The following PTPRK variants were observed in gnomAD, a reference collection of about 807,000 sequenced individuals.
PTPRK encodes receptor-type tyrosine-protein phosphatase kappa.
In PTPRK, 75 loss-of-function variants were observed where a neutral mutation model predicts 178.0. That is an observed-to-expected ratio of 0.42 (90% CI 0.35 to 0.51). The LOEUF (loss-of-function observed/expected upper bound fraction) is 0.51, where lower values mean the gene tolerates loss of function less well. Among genes scored for constraint, PTPRK ranks in the 20% least tolerant of loss-of-function variants. The pLI is 0.02. For synonymous variants in PTPRK, 637 were observed against 620.6 expected (o/e 1.03, Z -0.39); for missense variants, 1,441 against 1,797.8 (o/e 0.80, Z 3.59).
chr6:128,463,975 G>A (rs926564212), intron 1 of PTPRK, among the ~76,000 whole-genome samples: 4 of 151,282 alleles, frequency 2.6e-5, no homozygotes, highest in East Asian at 1.9e-4. Context: ...AGGCGGTCTC[G>A]AACTCCCGAC....
intron 1 of PTPRK, among the ~76,000 whole-genome samples, chr6:128,498,381 G>A (rs1855040072): frequency 6.6e-6 from 1 of 152,114 alleles, no homozygotes; most frequent in Non-Finnish European, 1.5e-5. Context: ...CCACTTAAAC[G>A]AACCAGCTCC....
chr6:128,320,350 A>G (rs1025601464), intron 3 of PTPRK, among the ~76,000 whole-genome samples: 3 of 152,128 alleles, frequency 2.0e-5, no homozygotes, highest in Non-Finnish European at 1.5e-5. Flanking sequence ...AAATAACTAC[A>G]TGTATGTTAT....
intron 13 of PTPRK, among the ~76,000 whole-genome samples, chr6:128,052,413 T>C (rs538445978): frequency 6.6e-5 from 10 of 152,342 alleles, no homozygotes; most frequent in African/African-American, 2.2e-4. Context: ...TTAGTTGCTA[T>C]ATCTCTTTGG....
At chr6:128,294,742 C>T (rs1479151912) in intron 3 of PTPRK, among the ~76,000 whole-genome samples, 11 of 151,922 alleles carry the variant, frequency 7.2e-5, no homozygotes, top group African/African-American at 2.2e-4. Context: ...CCAATTTTTG[C>T]TTTTTTATCC....
At chr6:128,456,079 C>T (rs1848349974) in intron 1 of PTPRK, among the ~76,000 whole-genome samples, 1 of 151,928 alleles carries the variant, frequency 6.6e-6, no homozygotes, top group South Asian at 2.1e-4. Flanking sequence ...GAATCGGGCT[C>T]CTCAAAACAG....
At chr6:128,233,482 C>G (rs905611666) in intron 5 of PTPRK, among the ~76,000 whole-genome samples, 1 of 152,178 alleles carries the variant, frequency 6.6e-6, no homozygotes, top group Non-Finnish European at 1.5e-5. Context: ...AGGGGGTCAG[C>G]CTCGCTCTGG....
chr6:128,343,875 T>G (rs1562321176), intron 2 of PTPRK, among the ~76,000 whole-genome samples: 1 of 152,184 alleles, frequency 6.6e-6, no homozygotes, highest in Non-Finnish European at 1.5e-5. Flanking sequence ...ATCTGCAATT[T>G]TGTATGTTTT....
intron 1 of PTPRK, among the ~76,000 whole-genome samples, chr6:128,474,678 A>G (rs1851149460): frequency 6.6e-6 from 1 of 152,148 alleles, no homozygotes; most frequent in South Asian, 2.1e-4. Context: ...AAATACCTTC[A>G]TACCAATGCT....
intron 7 of PTPRK, among the ~76,000 whole-genome samples, chr6:128,131,451 G>A (rs1471681598): frequency 2.0e-5 from 3 of 152,102 alleles, no homozygotes; most frequent in Non-Finnish European, 4.4e-5. Flanking sequence ...GGTAGTGGTG[G>A]GGGATGGCAG....
intron 3 of PTPRK, among the ~76,000 whole-genome samples, chr6:128,261,432 C>T (rs1818163952): frequency 6.6e-6 from 1 of 152,114 alleles, no homozygotes; most frequent in Admixed American, 6.6e-5. Context: ...TGTACATTGA[C>T]AGGTATATTT....
chr6:128,228,510 T>C lies in PTPRK; in HGVS notation c.694-9414A>G, dbSNP rs577817047. On this transcript the variant is annotated intron_variant, in intron 5 of 29. Transcript: ENST00000368226. ...AAATACAAAAAAAAAAAAAAAAAAA[T>C]TTAGCTGGGCATGGTGGTGGGCGCC... Among the ~76,000 whole-genome samples the C allele has an allele frequency of 7.2e-3, 960 of 133,222 alleles. 5 individuals carry two copies. Among genetic ancestry groups the C allele is most frequent in the Non-Finnish European group, 0.011 (686 of 64,240 alleles). The allele number at this position is 133,222 out of a possible 152,430, so 87.4% of individuals were successfully genotyped here. A position where few individuals can be genotyped will look rare whatever the true frequency, so the allele number is the denominator to read the frequency against.
intron 5 of PTPRK, chr6:128,230,977 G>A (rs1322568008): frequency 6.6e-6 from 1 of 152,098 alleles, no homozygotes; most frequent in Admixed American, 6.6e-5. Flanking sequence ...ATTAAAGAAG[G>A]AAAAGAAAGC....
At chr6:128,380,440 T>A (rs1328739488) in intron 2 of PTPRK, among the ~76,000 whole-genome samples, 1 of 151,890 alleles carries the variant, frequency 6.6e-6, no homozygotes, top group Non-Finnish European at 1.5e-5. Context: ...CTGTTCAATG[T>A]TGTACTCTAT....
intron 2 of PTPRK, among the ~76,000 whole-genome samples, chr6:128,371,890 A>AAG (rs1836351427): frequency 2.7e-5 from 4 of 149,882 alleles, no homozygotes; most frequent in African/African-American, 2.4e-5. Flanking sequence ...AAAAAAAAAA[A>AAG]GAGAGAGAGA....
intron 3 of PTPRK, among the ~76,000 whole-genome samples, chr6:128,248,666 T>A (rs1278951620): frequency 6.6e-6 from 1 of 152,004 alleles, no homozygotes; most frequent in Non-Finnish European, 1.5e-5. Flanking sequence ...GAAAGAGCGG[T>A]CTGTATGAAG....
intron 1 of PTPRK, among the ~76,000 whole-genome samples, chr6:128,453,712 T>G (rs1848066234): frequency 6.6e-6 from 1 of 152,136 alleles, no homozygotes; most frequent in Non-Finnish European, 1.5e-5. Flanking sequence ...AAATGTGCTT[T>G]TATAATAAGT....
chr6:128,272,904 G>A (rs942056890), intron 3 of PTPRK, among the ~76,000 whole-genome samples: 11 of 152,080 alleles, frequency 7.2e-5, no homozygotes, highest in Admixed American at 3.3e-4. Context: ...AAAGACACAC[G>A]GACACGTATG....
At chr6:128,470,370 T>C (rs2128417896) in intron 1 of PTPRK, among the ~76,000 whole-genome samples, 1 of 151,710 alleles carries the variant, frequency 6.6e-6, no homozygotes, top group South Asian at 2.1e-4. Flanking sequence ...GCTTTGACTT[T>C]TTCTATGAAA....
chr6:128,155,340 A>C (rs1797816625), intron 7 of PTPRK, among the ~76,000 whole-genome samples: 1 of 151,710 alleles, frequency 6.6e-6, no homozygotes, highest in African/African-American at 2.4e-5. Context: ...CATTTTATTA[A>C]GTTTTGCACA....
Sources: gnomAD v4.1 joint callset for allele counts (sites outside exome capture counted in the v4.1 genomes callset) on GRCh38, gnomAD v4.1.1 for gene constraint, MANE v1.5 for transcripts, NCBI Gene and HGNC (gene_info 2026-07-23, HGNC 2026-07-21) for gene names.